Variants in SKA2 observed in about 807,000 individuals in gnomAD.
SKA2 encodes spindle and kinetochore associated complex subunit 2, also known as spindle and kinetochore-associated protein 2.
A neutral mutation model predicts 16.9 loss-of-function variants in SKA2; 13 were observed. The observed-to-expected ratio is 0.77, with a 90% confidence interval of 0.50 to 1.22. SKA2 has a LOEUF of 1.22. SKA2 is among the 50% of genes most tolerant of loss of function. The pLI is 0.00. For synonymous variants in SKA2, 47 were observed against 48.5 expected, an observed-to-expected ratio of 0.97 and a Z score of 0.13; for missense variants, 107 against 139.7, an observed-to-expected ratio of 0.77 and a Z score of 1.18.
At chr17:59,145,883 G>A (rs553671704) in intron 1 of SKA2, among the ~76,000 whole-genome samples, 15 of 152,038 alleles carry the variant, frequency 9.9e-5, no homozygotes, top group Admixed American at 6.6e-4. Flanking sequence ...TCAGCTACTC[G>A]TAAGGCTGAG....
intron 1 of SKA2, among the ~76,000 whole-genome samples, chr17:59,150,769 G>A (rs1250968008): frequency 1.3e-5 from 2 of 152,114 alleles, no homozygotes; most frequent in African/African-American, 4.8e-5. Flanking sequence ...CTTGGGGCAA[G>A]TAACTGCAGG....
chr17:59,119,570 A>G (rs950563607), intron 2 of SKA2, 75 bp from the exon 3 acceptor site: 1 of 1,279,966 alleles, frequency 7.8e-7, no homozygotes, highest in South Asian at 1.3e-5. Flanking sequence ...TACTGTATAC[A>G]TACAACACAT....
chr17:59,119,879 A>G (rs2046320905), intron 2 of SKA2, among the ~76,000 whole-genome samples: 1 of 152,152 alleles, frequency 6.6e-6, no homozygotes, highest in Admixed American at 6.6e-5. Context: ...ATTTGTTCTT[A>G]AAGAATAAGA....
At chr17:59,152,056 A>G (rs2046581537) in intron 1 of SKA2, among the ~76,000 whole-genome samples, 1 of 152,178 alleles carries the variant, frequency 6.6e-6, no homozygotes, top group Admixed American at 6.5e-5. Context: ...TTTAACGGAT[A>G]AGAACCCAAT....
chr17:59,122,084 T>G (rs2046339267), intron 2 of SKA2, among the ~76,000 whole-genome samples: 1 of 151,722 alleles, frequency 6.6e-6, no homozygotes, highest in South Asian at 2.1e-4. Context: ...TGGGAGAAAA[T>G]AAAACTTAAA....
At chr17:59,114,002 C>T (rs533757556) in intron 3 of SKA2, among the ~76,000 whole-genome samples, 1 of 152,246 alleles carries the variant, frequency 6.6e-6, no homozygotes, top group African/African-American at 2.4e-5. Context: ...CAGCAAATGG[C>T]TTTAACGGTG....
At chr17:59,128,655 T>TG (rs1272597545) in intron 2 of SKA2, among the ~76,000 whole-genome samples, 2 of 147,662 alleles carry the variant, frequency 1.4e-5, no homozygotes, top group African/African-American at 2.5e-5. Flanking sequence ...ACATCCTAAG[T>TG]GAAAAAGTTA....
chr17:59,121,868 A>G (rs2046337311), intron 2 of SKA2, among the ~76,000 whole-genome samples: 1 of 147,022 alleles, frequency 6.8e-6, no homozygotes, highest in Non-Finnish European at 1.5e-5. Flanking sequence ...GCTACTCGGG[A>G]GGCTGAGGTG....
At chr17:59,132,605 A>G (rs1182957233) in intron 1 of SKA2, among the ~76,000 whole-genome samples, 1 of 152,222 alleles carries the variant, frequency 6.6e-6, no homozygotes, top group East Asian at 1.9e-4. Context: ...CGGAAGTTGC[A>G]GTGAGCCAAG....
chr17:59,145,689 T>C (rs2046526909), intron 1 of SKA2, among the ~76,000 whole-genome samples: 1 of 152,052 alleles, frequency 6.6e-6, no homozygotes, highest in Non-Finnish European at 1.5e-5. Flanking sequence ...ACTAGCCCGA[T>C]CTAGAAACAC....
chr17:59,113,463 C>T (rs2046276602), intron 3 of SKA2, among the ~76,000 whole-genome samples: 1 of 151,904 alleles, frequency 6.6e-6, no homozygotes, highest in African/African-American at 2.4e-5. Context: ...GCGGAGGCTG[C>T]AGTGACCCAA....
At chr17:59,145,529 C>G (rs565398585) in intron 1 of SKA2, among the ~76,000 whole-genome samples, 4 of 152,116 alleles carry the variant, frequency 2.6e-5, no homozygotes, top group Non-Finnish European at 5.9e-5. Context: ...TTAGTTTCCT[C>G]TTTCCAATGT....
At chr17:59,153,885 C>T in intron 1 of SKA2, among the ~76,000 whole-genome samples, 1 of 151,936 alleles carries the variant, frequency 6.6e-6, no homozygotes, top group Non-Finnish European at 1.5e-5. Flanking sequence ...GATCCTCCTG[C>T]CTCAGCCTCC....
At chr17:59,135,848 AAAT>A (rs2046441078) in intron 1 of SKA2, among the ~76,000 whole-genome samples, 1 of 148,728 alleles carries the variant, frequency 6.7e-6, no homozygotes, top group African/African-American at 2.4e-5. Flanking sequence ...TATTTTTAAA[AAAT>A]ATAAAATAAT....
chr17:59,146,709 T>G (rs182595122), intron 1 of SKA2, among the ~76,000 whole-genome samples: 38 of 152,320 alleles, frequency 2.5e-4, no homozygotes, highest in African/African-American at 8.4e-4. Flanking sequence ...TAACCCAGGA[T>G]GGAGTGCAGT....
intron 2 of SKA2, among the ~76,000 whole-genome samples, chr17:59,131,073 A>G (rs1011148975): frequency 6.6e-6 from 1 of 152,092 alleles, no homozygotes; most frequent in East Asian, 1.9e-4. Flanking sequence ...AGGTTAGGGG[A>G]AAAAAAGTAG....
intron 3 of SKA2, among the ~76,000 whole-genome samples, chr17:59,116,897 A>C (rs2046300414): frequency 7.2e-6 from 1 of 138,336 alleles, no homozygotes; most frequent in Admixed American, 8.1e-5. Flanking sequence ...GGCTCACTGC[A>C]ACCTCCGCCT....
intron 1 of SKA2, among the ~76,000 whole-genome samples, chr17:59,147,637 T>A (rs190170217): frequency 5.9e-5 from 9 of 151,774 alleles, no homozygotes; most frequent in Admixed American, 3.9e-4. Context: ...TTTTTTTTTT[T>A]AATTTTATTA....
chr17:59,142,700 G>A (rs1423897412), intron 1 of SKA2, among the ~76,000 whole-genome samples: 1 of 151,686 alleles, frequency 6.6e-6, no homozygotes, highest in African/African-American at 2.4e-5. Context: ...GCCGAGGTGG[G>A]TGGATCACCT....
Sources: gnomAD v4.1 joint callset for allele counts (sites outside exome capture counted in the v4.1 genomes callset) on GRCh38, gnomAD v4.1.1 for gene constraint, MANE v1.5 for transcripts, NCBI Gene and HGNC (gene_info 2026-07-23, HGNC 2026-07-21) for gene names.